The following HS3ST5 variants were observed in gnomAD, a reference collection of about 807,000 sequenced individuals.
The protein encoded by HS3ST5 is heparan sulfate-glucosamine 3-sulfotransferase 5, also known as heparan sulfate glucosamine 3-O-sulfotransferase 5.
In HS3ST5, 10 loss-of-function variants were observed where a neutral mutation model predicts 25.4. That is an observed-to-expected ratio of 0.39 (90% confidence interval 0.24 to 0.67). The LOEUF (loss-of-function observed/expected upper bound fraction) is 0.67, where lower values mean the gene tolerates loss of function less well. Ranked by LOEUF, HS3ST5 falls within the 30% of genes least tolerant of loss-of-function variation. The pLI is 0.44. For missense variants in HS3ST5, 324 were observed against 420.7 expected (o/e 0.77, Z 2.01); for synonymous variants, 170 against 162.4 (o/e 1.05, Z -0.36).
chr6:114,167,505 A>G (rs1399604858), intron 3 of HS3ST5: 1 of 152,176 alleles, frequency 6.6e-6, no homozygotes, highest in Non-Finnish European at 1.5e-5. Context: ...AAAGATATTA[A>G]GGCATAACAG....
chr6:114,117,950 A>G (rs1186390637), intron 3 of HS3ST5, among the ~76,000 whole-genome samples: 1 of 152,138 alleles, frequency 6.6e-6, no homozygotes. Context: ...TGCCTTTGCA[A>G]TCAATTCTAT....
intron 3 of HS3ST5, among the ~76,000 whole-genome samples, chr6:114,141,811 A>G (rs985268069): frequency 6.6e-6 from 1 of 151,230 alleles, no homozygotes; most frequent in African/African-American, 2.4e-5. Flanking sequence ...CAGTGTTCTC[A>G]GCATCTTGCC....
At chr6:114,244,258 T>C (rs1772278765) in intron 1 of HS3ST5, among the ~76,000 whole-genome samples, 1 of 152,216 alleles carries the variant, frequency 6.6e-6, no homozygotes, top group African/African-American at 2.4e-5. Context: ...TTGGTGTTTG[T>C]GGATCGCAGC....
intron 2 of HS3ST5, among the ~76,000 whole-genome samples, chr6:114,204,443 A>G (rs1781178224): frequency 1.3e-5 from 2 of 152,176 alleles, no homozygotes; most frequent in Admixed American, 1.3e-4. Context: ...ACTAAGTCAC[A>G]ACCTATATTT....
At chr6:114,309,220 A>T (rs1208340913) in intron 1 of HS3ST5, among the ~76,000 whole-genome samples, 1 of 152,224 alleles carries the variant, frequency 6.6e-6, no homozygotes, top group East Asian at 1.9e-4. Flanking sequence ...AGGGACATAA[A>T]GTCTCTAAAA....
At chr6:114,145,717 C>T (rs1030233928) in intron 3 of HS3ST5, among the ~76,000 whole-genome samples, 12 of 152,264 alleles carry the variant, frequency 7.9e-5, no homozygotes, top group Admixed American at 4.6e-4. Context: ...TGAGCTGCTG[C>T]GAACTGCAGT....
At chr6:114,121,492 T>C (rs926170915) in intron 3 of HS3ST5, among the ~76,000 whole-genome samples, 2 of 152,226 alleles carry the variant, frequency 1.3e-5, no homozygotes, top group Admixed American at 1.3e-4. Context: ...AGGAAAAATG[T>C]ATAATCTAAT....
intron 2 of HS3ST5, among the ~76,000 whole-genome samples, chr6:114,174,799 C>A (rs1779648122): frequency 1.3e-5 from 2 of 152,050 alleles, no homozygotes; most frequent in Non-Finnish European, 2.9e-5. Context: ...TGGAGACCAT[C>A]CTGCCTAACA....
chr6:114,303,503 A>AT (rs1399442811), intron 1 of HS3ST5, among the ~76,000 whole-genome samples: 2 of 151,550 alleles, frequency 1.3e-5, no homozygotes, highest in Non-Finnish European at 2.9e-5. Context: ...CTTCCACCTG[A>AT]TTTAAAAACA....
At chr6:114,292,682 G>C (rs1454211341) in intron 1 of HS3ST5, among the ~76,000 whole-genome samples, 1 of 152,182 alleles carries the variant, frequency 6.6e-6, no homozygotes, top group Non-Finnish European at 1.5e-5. Context: ...ATGGTTTGGT[G>C]GTGGACAGAC....
intron 1 of HS3ST5, among the ~76,000 whole-genome samples, chr6:114,238,806 G>A (rs558118512): frequency 2.8e-4 from 42 of 152,210 alleles, no homozygotes; most frequent in African/African-American, 8.4e-4. Flanking sequence ...CACAGCCCCC[G>A]CCACCATATT....
chr6:114,238,304 T>C (rs1771950990), intron 1 of HS3ST5, among the ~76,000 whole-genome samples: 1 of 152,194 alleles, frequency 6.6e-6, no homozygotes. Flanking sequence ...AGTGTCTCTA[T>C]GGACCACACA....
chr6:114,085,424 A>C (rs949249875), intron 3 of HS3ST5, among the ~76,000 whole-genome samples: 4 of 152,204 alleles, frequency 2.6e-5, no homozygotes, highest in Admixed American at 1.3e-4. Context: ...GGGATTATGA[A>C]TCCTCAGAGA....
At chr6:114,244,626 G>C (rs770381429) in intron 1 of HS3ST5, among the ~76,000 whole-genome samples, 32 of 152,122 alleles carry the variant, frequency 2.1e-4, no homozygotes, top group Non-Finnish European at 3.7e-4. Context: ...TTCAAGCTGT[G>C]CTCCAAAGTT....
intron 2 of HS3ST5, among the ~76,000 whole-genome samples, chr6:114,181,130 A>G (rs1216981821): frequency 6.6e-6 from 1 of 152,142 alleles, no homozygotes; most frequent in Non-Finnish European, 1.5e-5. Context: ...TTCCTCAGGG[A>G]TTTCTTGATC....
intron 1 of HS3ST5, among the ~76,000 whole-genome samples, chr6:114,294,025 T>G (rs1774701438): frequency 6.6e-6 from 1 of 152,124 alleles, no homozygotes. Flanking sequence ...TTTTAAACTA[T>G]GGAAAGAGCT....
chr6:114,295,984 G>T (rs968666366), intron 1 of HS3ST5, among the ~76,000 whole-genome samples: 5 of 152,142 alleles, frequency 3.3e-5, no homozygotes, highest in Non-Finnish European at 5.9e-5. Flanking sequence ...GCTTCAAGTA[G>T]CTAACCATAC....
At chr6:114,307,844 T>C (rs2114832486) in intron 1 of HS3ST5, among the ~76,000 whole-genome samples, 1 of 152,158 alleles carries the variant, frequency 6.6e-6, no homozygotes, top group South Asian at 2.1e-4. Context: ...AGTTTCATAT[T>C]GTTTTTTGAT....
intron 2 of HS3ST5, among the ~76,000 whole-genome samples, chr6:114,214,172 T>C (rs920314772): frequency 1.3e-5 from 2 of 152,234 alleles, no homozygotes; most frequent in African/African-American, 4.8e-5. Flanking sequence ...TTTATCACTT[T>C]TCAAACTTTT....
Sources: allele counts gnomAD v4.1 joint callset (sites outside exome capture counted in the v4.1 genomes callset), GRCh38; gene constraint gnomAD v4.1.1; transcripts MANE v1.5; gene names NCBI Gene and HGNC (gene_info 2026-07-23, HGNC 2026-07-21).